The following NRG3 variants were observed in gnomAD, a reference collection of about 807,000 sequenced individuals.
NRG3 encodes neuregulin 3, also known as pro-neuregulin-3, membrane-bound isoform.
In NRG3, 31 loss-of-function variants were observed where a neutral mutation model predicts 66.9. That is an observed-to-expected ratio of 0.46 (90% CI 0.35 to 0.63). NRG3 has a LOEUF of 0.63. NRG3 is among the 20% of genes least tolerant of loss of function. The pLI is 0.00. For synonymous variants in NRG3, 393 were observed against 359.4 expected (o/e 1.09, Z -1.06); for missense variants, 910 against 878.9 (o/e 1.04, Z -0.45).
At chr10:82,951,401 C>G in intron 4 of NRG3, 68 bp from the exon 5 acceptor site, 1 of 1,251,726 alleles carries the variant, frequency 8.0e-7, no homozygotes, top group Non-Finnish European at 1.2e-6. Context: ...CTCAGAAGTA[C>G]ATGGATGAAG....
chr10:82,734,648 T>C (rs2058069708), intron 2 of NRG3, among the ~76,000 whole-genome samples: 1 of 151,776 alleles, frequency 6.6e-6, no homozygotes, highest in South Asian at 2.1e-4. Context: ...TTGCACATGG[T>C]CTCCTCAACT....
At chr10:82,709,323 G>C (rs139223111) in intron 2 of NRG3, among the ~76,000 whole-genome samples, 2 of 151,676 alleles carry the variant, frequency 1.3e-5, no homozygotes, top group Non-Finnish European at 2.9e-5. Context: ...TTTCTTTCTT[G>C]TTGTTGTTGT....
intron 2 of NRG3, among the ~76,000 whole-genome samples, chr10:82,733,936 G>A (rs1445343710): frequency 6.6e-6 from 1 of 152,204 alleles, no homozygotes. Context: ...AGTGTGGCCA[G>A]GTGGCCAGGA....
intron 2 of NRG3, among the ~76,000 whole-genome samples, chr10:82,676,730 C>T (rs930583314): frequency 1.3e-5 from 2 of 152,066 alleles, no homozygotes; most frequent in East Asian, 1.9e-4. Flanking sequence ...TTATCTGCCC[C>T]CCTCGGCCTC....
At chr10:82,429,064 C>T (rs1488117216) in intron 2 of NRG3, among the ~76,000 whole-genome samples, 1 of 151,926 alleles carries the variant, frequency 6.6e-6, no homozygotes, top group East Asian at 1.9e-4. Context: ...TTGCAATTTA[C>T]ATGTTAATTT....
At chr10:82,280,572 T>C (rs1446453447) in intron 1 of NRG3, among the ~76,000 whole-genome samples, 1 of 152,200 alleles carries the variant, frequency 6.6e-6, no homozygotes, top group East Asian at 1.9e-4. Context: ...CAGAAAGTTT[T>C]AGTCACCTGA....
intron 1 of NRG3, among the ~76,000 whole-genome samples, chr10:82,173,935 G>A (rs73322271): frequency 0.011 from 1,694 of 152,044 alleles, 32 homozygotes; most frequent in African/African-American, 0.039. Flanking sequence ...CTCCTCCTTC[G>A]TCCGTTATAT....
chr10:82,017,455 G>A (rs2061838646), intron 1 of NRG3, among the ~76,000 whole-genome samples: 1 of 152,152 alleles, frequency 6.6e-6, no homozygotes, highest in Non-Finnish European at 1.5e-5. Context: ...TATATACCCA[G>A]TAATGGGATG....
intron 8 of NRG3, among the ~76,000 whole-genome samples, chr10:82,982,434 TGG>T (rs1853024765): frequency 6.6e-6 from 1 of 152,158 alleles, no homozygotes; most frequent in Non-Finnish European, 1.5e-5. Context: ...ACCGAACTTG[TGG>T]AAGCATCATT....
At position 82,166,356 on chromosome 10, in the gene NRG3, G is replaced by A. The variant is rs975251612; in HGVS notation, c.824-192383G>A. On this transcript the variant is annotated intron_variant, in intron 1 of 8. Coordinates refer to ENST00000372141, the MANE Select transcript of NRG3 (RefSeq NM_001010848.4). ...TTAATGATTCCATATTATGTTCTTTGTTGACCTATTAGCTATAAATCTCTG... is the reference window on the plus strand; with the variant it reads ...TTAATGATTCCATATTATGTTCTTTATTGACCTATTAGCTATAAATCTCTG... Among the ~76,000 whole-genome samples the A allele has an allele frequency of 8.2e-4, 125 of 152,196 alleles. 1 individual carries two copies. Among genetic ancestry groups the A allele is most frequent in the African/African-American group, 2.8e-3 (115 of 41,538 alleles).
intron 3 of NRG3, among the ~76,000 whole-genome samples, chr10:82,835,960 G>A (rs1049699981): frequency 2.0e-5 from 3 of 152,112 alleles, no homozygotes; most frequent in Admixed American, 6.6e-5. Flanking sequence ...TGTTTAGAGC[G>A]AGGGTTAGCA....
rs571642320 is a variant in NRG3 at position 82,781,463 on chromosome 10, C to T, written c.1027+42813C>T. Reference sequence around the variant, plus strand: ...ATAATTAATGAAACCTCTATCTTGGCTTATATCTGTAAAGCTCAGAGTCTT... The same window carrying T: ...ATAATTAATGAAACCTCTATCTTGGTTTATATCTGTAAAGCTCAGAGTCTT... On this transcript the variant is annotated intron_variant, in intron 3 of 8. Coordinates refer to ENST00000372141, the MANE Select transcript of NRG3 (RefSeq NM_001010848.4). Among the ~76,000 whole-genome samples the T allele has an allele frequency of 1.2e-4, 18 of 152,258 alleles. No homozygotes were observed. The East Asian group carries it at 1.4e-3, about 11-fold the overall frequency.
At chr10:82,512,318 C>T (rs1199029914) in intron 2 of NRG3, among the ~76,000 whole-genome samples, 2 of 151,546 alleles carry the variant, frequency 1.3e-5, no homozygotes, top group Non-Finnish European at 2.9e-5. Context: ...TGGAGTTTCA[C>T]TCTGTTGCCC....
In NRG3 at chr10:82,602,458, A is replaced by C. The variant is rs546108818; in HGVS notation, c.954-136119A>C. Among the ~76,000 whole-genome samples the C allele has an allele frequency of 8.8e-4, 134 of 152,158 alleles. 1 individual carries two copies. The highest frequency in any genetic ancestry group is 8.7e-3 in the South Asian group (42 of 4,822). On this transcript the variant is annotated intron_variant, in intron 2 of 8. Transcript: ENST00000372141. ...ATAGTATGAGTGGAAATTCTTATAC[A>C]TAGATTATATTTATTAAATTATTAT...
chr10:82,212,278 T>C (rs1223126340), intron 1 of NRG3, among the ~76,000 whole-genome samples: 1 of 152,142 alleles, frequency 6.6e-6, no homozygotes, highest in Non-Finnish European at 1.5e-5. Flanking sequence ...GTAAATTGTG[T>C]CCTCTTCCTG....
At chr10:82,713,636 A>G (rs1046930514) in intron 2 of NRG3, among the ~76,000 whole-genome samples, 1 of 152,226 alleles carries the variant, frequency 6.6e-6, no homozygotes, top group Non-Finnish European at 1.5e-5. Flanking sequence ...AATAATACAA[A>G]TACAGAGGAT....
intron 1 of NRG3, among the ~76,000 whole-genome samples, chr10:82,343,726 A>T (rs1013665156): frequency 6.6e-6 from 1 of 152,146 alleles, no homozygotes; most frequent in African/African-American, 2.4e-5. Flanking sequence ...AAGAAATTAC[A>T]ATAATTTTAT....
chr10:82,096,962 T>C (rs1019357131), intron 1 of NRG3, among the ~76,000 whole-genome samples: 1 of 152,222 alleles, frequency 6.6e-6, no homozygotes, highest in African/African-American at 2.4e-5. Context: ...AAAATTTACA[T>C]ACAGTAAAAT....
At chr10:82,316,497 A>C (rs1383634303) in intron 1 of NRG3, among the ~76,000 whole-genome samples, 1 of 152,130 alleles carries the variant, frequency 6.6e-6, no homozygotes, top group African/African-American at 2.4e-5. Context: ...TATTTGAACA[A>C]ATATTTTTGC....
Sources: allele counts gnomAD v4.1 joint callset (sites outside exome capture counted in the v4.1 genomes callset), GRCh38; gene constraint gnomAD v4.1.1; transcripts MANE v1.5; gene names NCBI Gene and HGNC (gene_info 2026-07-23, HGNC 2026-07-21).